ADAMTS6: variants seen among roughly 807,000 people sequenced by gnomAD.
ADAMTS6 encodes ADAM metallopeptidase with thrombospondin type 1 motif 6.
Under a neutral mutation model 144.3 loss-of-function variants are expected in ADAMTS6, and 23 were observed. That is an observed-to-expected ratio of 0.16 (90% CI 0.11 to 0.23). The LOEUF (loss-of-function observed/expected upper bound fraction) is 0.23. Among genes scored for constraint, ADAMTS6 ranks in the 10% least tolerant of loss-of-function variants. ADAMTS6 has a pLI of 1.00. For synonymous variants in ADAMTS6, 444 were observed against 457.5 expected, an observed-to-expected ratio of 0.97 and a Z score of 0.38; for missense variants, 999 against 1,379.6, an observed-to-expected ratio of 0.72 and a Z score of 4.37.
intron 7 of ADAMTS6, among the ~76,000 whole-genome samples, chr5:65,371,323 G>T (rs181109439): frequency 7.9e-5 from 12 of 152,134 alleles, no homozygotes; most frequent in Non-Finnish European, 1.6e-4. Flanking sequence ...AAATTACTCC[G>T]AACTACGGGA....
intron 11 of ADAMTS6, among the ~76,000 whole-genome samples, chr5:65,279,737 C>T (rs1272648718): frequency 6.6e-6 from 1 of 152,044 alleles, no homozygotes; most frequent in African/African-American, 2.4e-5. Context: ...TGTATCTTTC[C>T]TATTCTTTCT....
At chr5:65,447,007 T>C (rs1163122721) in intron 7 of ADAMTS6, among the ~76,000 whole-genome samples, 1 of 152,176 alleles carries the variant, frequency 6.6e-6, no homozygotes, top group Non-Finnish European at 1.5e-5. Context: ...ACTTGGGCTA[T>C]AATTTCTACC....
At position 65,304,702 on chromosome 5, in the gene ADAMTS6, A is replaced by G. The variant is rs79170257; in HGVS notation, c.1224-4571T>C. 6.6e-3 allele frequency among the ~76,000 whole-genome samples: 1,000 copies of G among 152,290 alleles called. 9 individuals carry two copies. Among genetic ancestry groups the G allele is most frequent in the African/African-American group, 0.023 (952 of 41,552 alleles). On this transcript the variant is annotated intron_variant, in intron 9 of 24. Coordinates refer to ENST00000381055, the MANE Select transcript of ADAMTS6 (RefSeq NM_197941.4). ...CATCTTGGCCTCCCAAAGTGCTGGA[A>G]TTGCAGGCGTGAGCCCCCATATCTG...
At position 65,397,902 on chromosome 5, in the gene ADAMTS6, G is replaced by A. The variant is rs542989054; in HGVS notation, c.1073+53573C>T. 5.6e-5 allele frequency among the ~76,000 whole-genome samples: 8 copies of A among 143,826 alleles called. No individual in the cohort carries two copies. The South Asian group carries it at 1.6e-3, about 29-fold the overall frequency. 94.4% of individuals were successfully genotyped at this position (143,826 alleles called of 152,430 possible). A position where few individuals can be genotyped will look rare whatever the true frequency, so the allele number is the denominator to read the frequency against. On this transcript the variant is annotated intron_variant, in intron 7 of 24. Coordinates refer to ENST00000381055, the MANE Select transcript of ADAMTS6 (RefSeq NM_197941.4). ...AAAAAAAAAAAAAAAAAAAAAGTAT[G>A]TTGCTTAATCTCCACATATTGTTTG...
intron 7 of ADAMTS6, among the ~76,000 whole-genome samples, chr5:65,434,935 C>T (rs1243488829): frequency 6.6e-6 from 1 of 152,250 alleles, no homozygotes; most frequent in East Asian, 1.9e-4. Context: ...ATGCAGATTG[C>T]AGCATCGTTT....
At chr5:65,174,468 G>A (rs576852505) in intron 22 of ADAMTS6, among the ~76,000 whole-genome samples, 7 of 152,160 alleles carry the variant, frequency 4.6e-5, no homozygotes, top group Non-Finnish European at 1.0e-4. Flanking sequence ...GGAACGCCTC[G>A]CCAGAGGAGC....
intron 7 of ADAMTS6, among the ~76,000 whole-genome samples, chr5:65,335,221 C>T (rs765322850): frequency 3.9e-5 from 6 of 152,122 alleles, no homozygotes; most frequent in Non-Finnish European, 8.8e-5. Flanking sequence ...ACTCTTCATC[C>T]TGCTCATTTT....
At chr5:65,419,446 A>T (rs1475552274) in intron 7 of ADAMTS6, among the ~76,000 whole-genome samples, 1 of 152,164 alleles carries the variant, frequency 6.6e-6, no homozygotes, top group East Asian at 1.9e-4. Flanking sequence ...ACTATTGGAC[A>T]CTATGTTCAC....
intron 15 of ADAMTS6, among the ~76,000 whole-genome samples, chr5:65,237,180 G>A (rs535389723): frequency 6.6e-6 from 1 of 151,880 alleles, no homozygotes; most frequent in Non-Finnish European, 1.5e-5. Flanking sequence ...AATCCCTTGA[G>A]CTTAGGAGTT....
intron 14 of ADAMTS6, among the ~76,000 whole-genome samples, chr5:65,253,909 C>A (rs1007604529): frequency 6.9e-6 from 1 of 145,242 alleles, no homozygotes; most frequent in Non-Finnish European, 1.5e-5. Context: ...CTCACTGCAA[C>A]CTCCGCTTCC....
intron 7 of ADAMTS6, among the ~76,000 whole-genome samples, chr5:65,442,796 T>C (rs748066030): frequency 1.3e-4 from 20 of 152,168 alleles, no homozygotes; most frequent in Non-Finnish European, 2.2e-4. Context: ...AAGCCCAGCA[T>C]GCATCAGCTC....
chr5:65,457,775 T>TTTC (rs1462644014), intron 4 of ADAMTS6, among the ~76,000 whole-genome samples: 1 of 143,806 alleles, frequency 7.0e-6, no homozygotes, highest in Non-Finnish European at 1.5e-5. Flanking sequence ...TGAGAAGGAG[T>TTTC]TTCGCTCTCG....
intron 11 of ADAMTS6, among the ~76,000 whole-genome samples, chr5:65,290,416 T>A (rs1223547824): frequency 1.3e-5 from 2 of 152,064 alleles, no homozygotes; most frequent in Non-Finnish European, 2.9e-5. Context: ...CCGGGCATGA[T>A]GGTGCACGCC....
chr5:65,267,626 A>G (rs1185922213), intron 12 of ADAMTS6, among the ~76,000 whole-genome samples: 1 of 152,196 alleles, frequency 6.6e-6, no homozygotes, highest in Non-Finnish European at 1.5e-5. Context: ...AGAAAGATAC[A>G]TTATAAATCA....
At chr5:65,187,864 C>T in intron 22 of ADAMTS6, 152 bp downstream of exon 22, 2 of 729,644 alleles carry the variant, frequency 2.7e-6, no homozygotes, top group South Asian at 2.3e-5. Context: ...CCCTTATTTC[C>T]TGACAAGCAG....
intron 9 of ADAMTS6, among the ~76,000 whole-genome samples, chr5:65,311,326 TCAGAGA>T (rs899612329): frequency 1.3e-5 from 2 of 152,068 alleles, no homozygotes; most frequent in African/African-American, 2.4e-5. Flanking sequence ...GCATCATCAG[TCAGAGA>T]CAAAGTGGTT....
chr5:65,412,205 T>C (rs1755109290), intron 7 of ADAMTS6, among the ~76,000 whole-genome samples: 1 of 152,086 alleles, frequency 6.6e-6, no homozygotes, highest in Admixed American at 6.6e-5. Flanking sequence ...CCTGGAAGAA[T>C]ATACATTTTT....
Position 65,469,929 on chromosome 5 carries a change from A to C in ADAMTS6, c.462+849T>G, listed in dbSNP as rs181916646. Reference sequence around the variant, plus strand: ...TTAATGGAACAGCTACATTAGCCTGAACAGGGTAAACACAGAAGAGAAAGC... The same window carrying C: ...TTAATGGAACAGCTACATTAGCCTGCACAGGGTAAACACAGAAGAGAAAGC... On this transcript the variant is annotated intron_variant, in intron 3 of 24. Transcript: ENST00000381055. Among the ~76,000 whole-genome samples the C allele has an allele frequency of 6.6e-5, 10 of 152,346 alleles. No homozygotes were observed. The East Asian group carries it at 1.9e-3, about 29-fold the overall frequency.
At chr5:65,414,221 T>C (rs1325312987) in intron 7 of ADAMTS6, among the ~76,000 whole-genome samples, 1 of 152,144 alleles carries the variant, frequency 6.6e-6, no homozygotes, top group Non-Finnish European at 1.5e-5. Flanking sequence ...TTCCATTCTT[T>C]ATCAAACCTA....
Sources: gnomAD v4.1 joint callset for allele counts (sites outside exome capture counted in the v4.1 genomes callset) on GRCh38, gnomAD v4.1.1 for gene constraint, MANE v1.5 for transcripts, NCBI Gene and HGNC (gene_info 2026-07-23, HGNC 2026-07-21) for gene names.